AUTS2: variants seen among roughly 807,000 people sequenced by gnomAD.
AUTS2 encodes activator of transcription and developmental regulator AUTS2, also known as autism susceptibility gene 2 protein.
A neutral mutation model predicts 112.4 loss-of-function variants in AUTS2; 17 were observed. The ratio of observed to expected loss-of-function variants is 0.15; its 90% confidence interval spans 0.10 to 0.23. The LOEUF (loss-of-function observed/expected upper bound fraction) is 0.23. AUTS2 is among the 10% of genes least tolerant of loss of function. AUTS2 has a pLI of 1.00. For synonymous variants in AUTS2, 751 were observed against 702.7 expected (o/e 1.07, Z -1.09); for missense variants, 1,510 against 1,701.6 (o/e 0.89, Z 1.98).
chr7:70,169,506 G>T (rs1584822450), intron 4 of AUTS2, among the ~76,000 whole-genome samples: 5 of 152,144 alleles, frequency 3.3e-5, no homozygotes, highest in Admixed American at 2.6e-4. Flanking sequence ...CTCCCAAAGT[G>T]CTGGGATTAC....
At position 70,017,717 on chromosome 7, in the gene AUTS2, G is replaced by A. The variant is rs567001988; in HGVS notation, c.523-100415G>A. Among the ~76,000 whole-genome samples, 6 of 152,174 alleles carry A rather than the reference G, an allele frequency of 3.9e-5. No individual in the cohort carries two copies. In the South Asian group the frequency reaches 1.2e-3, roughly 32 times the overall value. Reference sequence around the variant, plus strand: ...AGACATCATCAAACTAGCCATCACTGCGAAATGCTCACAGGAAAGTAGTTG... The same window carrying A: ...AGACATCATCAAACTAGCCATCACTACGAAATGCTCACAGGAAAGTAGTTG... On this transcript the variant is annotated intron_variant, in intron 2 of 18. Coordinates refer to ENST00000342771, the MANE Select transcript of AUTS2 (RefSeq NM_015570.4).
chr7:70,181,796 CTT>C (rs35077931), intron 4 of AUTS2, among the ~76,000 whole-genome samples: 18,955 of 109,444 alleles, frequency 0.17, 1,364 homozygotes, highest in Middle Eastern at 0.27. Context: ...GCTGAGCTAA[CTT>C]TTTTTTTTTT....
intron 2 of AUTS2, among the ~76,000 whole-genome samples, chr7:69,943,586 C>T (rs763060056): frequency 1.3e-5 from 2 of 152,052 alleles, no homozygotes; most frequent in Non-Finnish European, 2.9e-5. Context: ...TCATTATCTC[C>T]TAGGGTCTAT....
chr7:70,756,217 G>A (rs1290274207), intron 6 of AUTS2, among the ~76,000 whole-genome samples: 1 of 152,150 alleles, frequency 6.6e-6, no homozygotes, highest in African/African-American at 2.4e-5. Context: ...GATATTTTCT[G>A]TGACATTAAA....
In AUTS2 at chr7:70,763,360, T is replaced by C. The variant is rs1008738875; in HGVS notation, c.1214+19T>C. The C allele has an allele frequency of 2.0e-6, 3 of 1,523,744 alleles. No individual in the cohort carries two copies. Among genetic ancestry groups the C allele is most frequent in the Non-Finnish European group, 2.7e-6 (3 of 1,131,400 alleles). 94.4% of individuals were successfully genotyped at this position (1,523,744 alleles called of 1,614,324 possible). On this transcript the variant is annotated intron_variant, in intron 7 of 18. Transcript: ENST00000342771. ...GTTTAAGGTGAGTGGCCTGCTCTTC[T>C]TTGGCCTGACTTTTGCCCTCTCCCT...
chr7:69,798,053 C>T (rs1436730246), intron 1 of AUTS2, among the ~76,000 whole-genome samples: 1 of 151,978 alleles, frequency 6.6e-6, no homozygotes, highest in Non-Finnish European at 1.5e-5. Flanking sequence ...TGTGGGGGTC[C>T]TGAAGCTATC....
At chr7:70,060,262 A>G (rs761768917) in intron 2 of AUTS2, among the ~76,000 whole-genome samples, 1 of 152,196 alleles carries the variant, frequency 6.6e-6, no homozygotes, top group Non-Finnish European at 1.5e-5. Context: ...ACTTAAAGAA[A>G]TGCTAGATAA....
intron 2 of AUTS2, among the ~76,000 whole-genome samples, chr7:69,992,331 A>G (rs890782780): frequency 6.6e-6 from 1 of 152,232 alleles, no homozygotes; most frequent in African/African-American, 2.4e-5. Flanking sequence ...TTCCAAAATA[A>G]AGATAAGCAT....
chr7:70,232,610 C>T (rs1812115836), intron 4 of AUTS2, among the ~76,000 whole-genome samples: 1 of 152,106 alleles, frequency 6.6e-6, no homozygotes, highest in Admixed American at 6.5e-5. Flanking sequence ...AACTCCTGAC[C>T]TCAGGTGATC....
intron 4 of AUTS2, among the ~76,000 whole-genome samples, chr7:70,354,908 T>C (rs1032934430): frequency 1.3e-5 from 2 of 152,120 alleles, no homozygotes; most frequent in Non-Finnish European, 2.9e-5. Context: ...ACTAGAAAAT[T>C]TTAAATTTCC....
chr7:70,530,446 G>A (rs1004056296), intron 5 of AUTS2, among the ~76,000 whole-genome samples: 2 of 152,102 alleles, frequency 1.3e-5, no homozygotes, highest in Non-Finnish European at 2.9e-5. Context: ...TCTGGTGGTT[G>A]GACAATCATG....
Position 70,527,171 on chromosome 7 carries a change from A to G in AUTS2, c.690+91390A>G, listed in dbSNP as rs76391641. Among the ~76,000 whole-genome samples the G allele has an allele frequency of 8.6e-3, 1,304 of 152,296 alleles. 20 individuals are homozygous for G. Among genetic ancestry groups the G allele is most frequent in the African/African-American group, 0.03 (1,238 of 41,556 alleles). ...GACATCGTCTCCAGTGACCTCTGCC[A>G]ATTTGTTCCAACATGGGAATGACAT... On this transcript the variant is annotated intron_variant, in intron 5 of 18. Transcript: ENST00000342771.
chr7:69,901,751 T>G (rs1262006911), intron 2 of AUTS2, among the ~76,000 whole-genome samples: 1 of 152,216 alleles, frequency 6.6e-6, no homozygotes, highest in Non-Finnish European at 1.5e-5. Flanking sequence ...GTGTTATATT[T>G]CTAGTAAGAA....
chr7:69,975,918 C>A (rs931107098), intron 2 of AUTS2, among the ~76,000 whole-genome samples: 6 of 152,024 alleles, frequency 3.9e-5, no homozygotes, highest in Admixed American at 3.9e-4. Context: ...GAACTCCTGA[C>A]CTCAGGTGAT....
chr7:69,984,387 ACAGAGTGAGACTCTGTCTC>A (rs1798421115), intron 2 of AUTS2, among the ~76,000 whole-genome samples: 1 of 146,600 alleles, frequency 6.8e-6, no homozygotes, highest in African/African-American at 2.6e-5. Flanking sequence ...AGCCTGGGCG[ACAGAGTGAGACTCTGTCTC>A]AAAAAAAAAA....
intron 3 of AUTS2, among the ~76,000 whole-genome samples, chr7:70,131,781 T>C (rs1806285482): frequency 6.6e-6 from 1 of 151,990 alleles, no homozygotes; most frequent in African/African-American, 2.4e-5. Flanking sequence ...CTCAGGGATA[T>C]ATGATACGTG....
chr7:69,974,055 G>T (rs1208552310), intron 2 of AUTS2, among the ~76,000 whole-genome samples: 1 of 151,888 alleles, frequency 6.6e-6, no homozygotes, highest in Non-Finnish European at 1.5e-5. Context: ...TCTGGGTCTG[G>T]AAACGTCTTT....
At chr7:69,942,145 C>T (rs1377109947) in intron 2 of AUTS2, among the ~76,000 whole-genome samples, 1 of 152,168 alleles carries the variant, frequency 6.6e-6, no homozygotes, top group Non-Finnish European at 1.5e-5. Context: ...CTTGGCTCAG[C>T]ATGCACAGTT....
intron 2 of AUTS2, among the ~76,000 whole-genome samples, chr7:70,086,094 T>A (rs180713222): frequency 6.6e-6 from 1 of 152,220 alleles, no homozygotes; most frequent in Admixed American, 6.5e-5. Flanking sequence ...TCAGGTAATG[T>A]TAGTCTTCCA....
Sources: gnomAD v4.1 joint callset for allele counts (sites outside exome capture counted in the v4.1 genomes callset) on GRCh38, gnomAD v4.1.1 for gene constraint, MANE v1.5 for transcripts, NCBI Gene and HGNC (gene_info 2026-07-23, HGNC 2026-07-21) for gene names.